SPOCK3: variants seen among roughly 807,000 people sequenced by gnomAD.
SPOCK3 encodes the protein testican-3.
In SPOCK3, 30 loss-of-function variants were observed where a neutral mutation model predicts 56.6. The ratio of observed to expected loss-of-function variants is 0.53; its 90% CI spans 0.40 to 0.72. The LOEUF (loss-of-function observed/expected upper bound fraction) is 0.72, where lower values mean the gene tolerates loss of function less well. SPOCK3 is among the 30% of genes least tolerant of loss of function. The pLI is 0.00. For synonymous variants in SPOCK3, 196 were observed against 183.3 expected, an observed-to-expected ratio of 1.07 and a Z score of -0.56; for missense variants, 527 against 530.0, an observed-to-expected ratio of 0.99 and a Z score of 0.06.
chr4:166,950,069 A>C (rs1313297029), intron 4 of SPOCK3, among the ~76,000 whole-genome samples: 1 of 151,100 alleles, frequency 6.6e-6, no homozygotes, highest in Non-Finnish European at 1.5e-5. Flanking sequence ...TGACAGGATC[A>C]AATTCACACA....
intron 4 of SPOCK3, among the ~76,000 whole-genome samples, chr4:166,977,141 T>C (rs1363984904): frequency 6.6e-6 from 1 of 152,062 alleles, no homozygotes; most frequent in Non-Finnish European, 1.5e-5. Context: ...GGATTACTTT[T>C]TGCTGTTTTT....
intron 2 of SPOCK3, among the ~76,000 whole-genome samples, chr4:167,094,815 C>T (rs575337675): frequency 1.7e-4 from 26 of 152,032 alleles, no homozygotes; most frequent in African/African-American, 4.6e-4. Context: ...ATGTATTATT[C>T]GGGGTTCTCC....
At chr4:166,994,263 TG>T (rs1474065174) in intron 4 of SPOCK3, among the ~76,000 whole-genome samples, 1 of 152,204 alleles carries the variant, frequency 6.6e-6, no homozygotes, top group Admixed American at 6.6e-5. Context: ...TAATTGTTTT[TG>T]CACATTAAGT....
intron 6 of SPOCK3, among the ~76,000 whole-genome samples, chr4:166,807,477 G>A (rs1328063199): frequency 6.6e-6 from 1 of 152,098 alleles, no homozygotes; most frequent in Non-Finnish European, 1.5e-5. Context: ...TATGCATGTT[G>A]TGTTGTTGTT....
chr4:166,871,117 G>T (rs761774584), intron 6 of SPOCK3, among the ~76,000 whole-genome samples: 3 of 151,924 alleles, frequency 2.0e-5, no homozygotes, highest in Non-Finnish European at 4.4e-5. Flanking sequence ...TTATAGCAGT[G>T]TGAGAATGGA....
At chr4:167,200,858 T>C (rs1404154136) in intron 2 of SPOCK3, among the ~76,000 whole-genome samples, 1 of 152,068 alleles carries the variant, frequency 6.6e-6, no homozygotes, top group Non-Finnish European at 1.5e-5. Flanking sequence ...AGAAAGAAAG[T>C]GTATCCTTTT....
chr4:167,103,527 G>A (rs1346360450), intron 2 of SPOCK3, among the ~76,000 whole-genome samples: 2 of 152,084 alleles, frequency 1.3e-5, no homozygotes, highest in African/African-American at 2.4e-5. Flanking sequence ...AGGGAAGAGT[G>A]GGAAGGACTT....
At chr4:167,079,485 A>G (rs1474807537) in intron 2 of SPOCK3, among the ~76,000 whole-genome samples, 1 of 151,988 alleles carries the variant, frequency 6.6e-6, no homozygotes, top group Admixed American at 6.6e-5. Flanking sequence ...TCAGCATCCA[A>G]TAGAAATGGG....
intron 6 of SPOCK3, among the ~76,000 whole-genome samples, chr4:166,855,775 C>T (rs1265083219): frequency 6.6e-6 from 1 of 152,058 alleles, no homozygotes; most frequent in Admixed American, 6.6e-5. Flanking sequence ...GTTTCTGATT[C>T]ATTAGGTGTG....
At chr4:167,079,978 A>G (rs1300766750) in intron 2 of SPOCK3, among the ~76,000 whole-genome samples, 1 of 151,994 alleles carries the variant, frequency 6.6e-6, no homozygotes, top group African/African-American at 2.4e-5. Flanking sequence ...CAGTGAGTAG[A>G]GTTTAAAATC....
At chr4:167,079,363 C>G (rs1374600356) in intron 2 of SPOCK3, among the ~76,000 whole-genome samples, 1 of 151,896 alleles carries the variant, frequency 6.6e-6, no homozygotes, top group Non-Finnish European at 1.5e-5. Flanking sequence ...AATTTATGCT[C>G]CTTGCTGTGT....
At chr4:167,002,454 A>G (rs776924645) in intron 3 of SPOCK3, among the ~76,000 whole-genome samples, 7 of 152,186 alleles carry the variant, frequency 4.6e-5, no homozygotes, top group Non-Finnish European at 7.4e-5. Flanking sequence ...ATTCCATGCT[A>G]AAGTGGTCAA....
chr4:167,132,250 A>G (rs143917234), intron 2 of SPOCK3, among the ~76,000 whole-genome samples: 1 of 152,368 alleles, frequency 6.6e-6, no homozygotes, highest in East Asian at 1.9e-4. Context: ...AATCATCAAT[A>G]GCAGAACTAC....
intron 2 of SPOCK3, among the ~76,000 whole-genome samples, chr4:167,230,652 A>C (rs72977533): frequency 1.3e-5 from 2 of 152,194 alleles, no homozygotes; most frequent in African/African-American, 4.8e-5. Flanking sequence ...TTATGTTTAA[A>C]TGTGTTGACT....
intron 2 of SPOCK3, among the ~76,000 whole-genome samples, chr4:167,095,509 C>T (rs1759073224): frequency 6.6e-6 from 1 of 151,594 alleles, no homozygotes; most frequent in South Asian, 2.1e-4. Flanking sequence ...AAAATGGAAA[C>T]AGTAGATAAA....
chr4:166,795,230 T>C lies in SPOCK3; in HGVS notation c.590-2941A>G, dbSNP rs72494051. 2.6e-3 allele frequency among the ~76,000 whole-genome samples: 393 copies of C among 152,296 alleles called. 10 individuals are homozygous for C. In the East Asian group the frequency reaches 0.059, roughly 23 times the overall value. ...TATTTGGTAGCACATCTGGTACTCC[T>C]AATTTAAAACAATTTCTATTATTTC... On this transcript the variant is annotated intron_variant, in intron 6 of 10. Coordinates refer to ENST00000357545, the MANE Select transcript of SPOCK3 (RefSeq NM_001040159.2).
At chr4:166,766,336 G>T (rs1279124943) in intron 7 of SPOCK3, among the ~76,000 whole-genome samples, 6 of 152,094 alleles carry the variant, frequency 3.9e-5, no homozygotes, top group Non-Finnish European at 8.8e-5. Context: ...GTCATAAATA[G>T]ATCTTAATAT....
At chr4:166,776,103 A>T (rs925086953) in intron 7 of SPOCK3, among the ~76,000 whole-genome samples, 105 of 152,088 alleles carry the variant, frequency 6.9e-4, no homozygotes, top group African/African-American at 2.4e-3. Context: ...ACAGAAGGAG[A>T]GGAGGAAGCA....
rs1332861323 is a variant in SPOCK3, at chr4:166,766,296, T to C, written c.710-11567A>G. 3.9e-5 allele frequency among the ~76,000 whole-genome samples: 6 copies of C among 152,214 alleles called. No homozygotes were observed. The East Asian group carries it at 1.2e-3, about 29-fold the overall frequency. ...TCAAAGGGAATGCTTCCAGTTTATGTCCATTCAGTATGATATTGGCTGTTG... is the reference window on the plus strand; with the variant it reads ...TCAAAGGGAATGCTTCCAGTTTATGCCCATTCAGTATGATATTGGCTGTTG... On this transcript the variant is annotated intron_variant, in intron 7 of 10. Transcript: ENST00000357545.
Sources: allele counts gnomAD v4.1 joint callset (sites outside exome capture counted in the v4.1 genomes callset), GRCh38; gene constraint gnomAD v4.1.1; transcripts MANE v1.5; gene names NCBI Gene and HGNC (gene_info 2026-07-23, HGNC 2026-07-21).